ANK1: variants seen among roughly 807,000 people sequenced by gnomAD.
ANK1 encodes the protein ankyrin-1.
Under a neutral mutation model 210.4 loss-of-function variants are expected in ANK1, and 51 were observed. The ratio of observed to expected loss-of-function variants is 0.24; its 90% CI spans 0.19 to 0.31. The LOEUF (loss-of-function observed/expected upper bound fraction) is 0.31. Among genes scored for constraint, ANK1 ranks in the 10% least tolerant of loss-of-function variants. ANK1 has a pLI of 1.00. For missense variants in ANK1, 2,051 were observed against 2,504.4 expected (o/e 0.82, Z 3.86); for synonymous variants, 967 against 1,025.9 (o/e 0.94, Z 1.10).
chr8:41,885,392 C>A (rs1306001547), intron 1 of ANK1, among the ~76,000 whole-genome samples: 1 of 152,180 alleles, frequency 6.6e-6, no homozygotes, highest in Admixed American at 6.5e-5. Context: ...GGCAAGAAGA[C>A]AATATTTTTT....
At position 41,713,019 on chromosome 8, in the gene ANK1, G is replaced by A. The variant is rs962745861; in HGVS notation, c.1800+1137C>T. On this transcript the variant is annotated intron_variant, in intron 16 of 42. Coordinates refer to ENST00000289734, the MANE Select transcript of ANK1 (RefSeq NM_000037.4). The stretch of plus-strand genomic sequence containing the variant: ...GAGCCGGCGTCTGTAGAAGAGCGAT[G>A]CTGCAAGATGGGGACACGTGTCTGT... 2.0e-5 allele frequency among the ~76,000 whole-genome samples: 3 copies of A among 152,300 alleles called. No homozygotes were observed. In the East Asian group the frequency reaches 5.8e-4, roughly 29 times the overall value.
intron 1 of ANK1, among the ~76,000 whole-genome samples, chr8:41,814,681 C>G (rs1803040919): frequency 6.6e-6 from 1 of 151,492 alleles, no homozygotes; most frequent in South Asian, 2.1e-4. Context: ...ACCTGACAAG[C>G]TATTTATTTA....
rs182616804 is a variant in ANK1 at position 41,836,726 on chromosome 8, A to C, written c.126+59629T>G. Among the ~76,000 whole-genome samples the C allele has an allele frequency of 3.4e-3, 513 of 152,272 alleles. 2 individuals are homozygous for C. Among genetic ancestry groups the C allele is most frequent in the African/African-American group, 0.012 (489 of 41,544 alleles). On this transcript the variant is annotated intron_variant, in intron 1 of 42. Coordinates refer to the ANK1 transcript ENST00000265709. The stretch of plus-strand genomic sequence containing the variant: ...CAGGAGTTCAACACCAGCCTGGGCA[A>C]CATAGTGAGACTCCTGTCTCTATAA...
At chr8:41,857,293 G>T (rs1456927265) in intron 1 of ANK1, among the ~76,000 whole-genome samples, 1 of 150,664 alleles carries the variant, frequency 6.6e-6, no homozygotes, top group African/African-American at 2.4e-5. Flanking sequence ...ATTTTAATGG[G>T]CTCTGTCAAA....
At chr8:41,762,952 G>T (rs1840799900) in intron 1 of ANK1, among the ~76,000 whole-genome samples, 1 of 152,192 alleles carries the variant, frequency 6.6e-6, no homozygotes, top group South Asian at 2.1e-4. Context: ...GGGCGTGGTG[G>T]TTCCTGTAAT....
At chr8:41,765,490 T>C (rs905536669) in intron 1 of ANK1, among the ~76,000 whole-genome samples, 1 of 152,080 alleles carries the variant, frequency 6.6e-6, no homozygotes. Flanking sequence ...CAAGCAATCT[T>C]CCCACCTCCA....
chr8:41,744,254 G>A (rs1394783551), intron 2 of ANK1, among the ~76,000 whole-genome samples: 1 of 152,082 alleles, frequency 6.6e-6, no homozygotes, highest in African/African-American at 2.4e-5. Context: ...AAAAGAAAAA[G>A]CTTATCCTTT....
chr8:41,765,884 G>T (rs1841672989), intron 1 of ANK1, among the ~76,000 whole-genome samples: 1 of 152,156 alleles, frequency 6.6e-6, no homozygotes, highest in South Asian at 2.1e-4. Flanking sequence ...ATGAGCAGGG[G>T]ACATTGGGAA....
chr8:41,732,553 C>T (rs1038961040), intron 3 of ANK1, among the ~76,000 whole-genome samples: 3 of 152,020 alleles, frequency 2.0e-5, no homozygotes, highest in African/African-American at 7.2e-5. Flanking sequence ...GCTGGGATTA[C>T]AGGCCTGTGC....
intron 3 of ANK1, among the ~76,000 whole-genome samples, chr8:41,730,943 T>A (rs187646448): frequency 6.6e-6 from 1 of 152,304 alleles, no homozygotes; most frequent in East Asian, 1.9e-4. Context: ...CTGCCTGAAG[T>A]CCAATGATAT....
intron 2 of ANK1, among the ~76,000 whole-genome samples, chr8:41,735,272 G>A (rs952235032): frequency 3.9e-5 from 6 of 152,190 alleles, no homozygotes; most frequent in Non-Finnish European, 7.3e-5. Context: ...ATATGAAGGA[G>A]CAAAATATCA....
chr8:41,676,317 T>C (rs183858791), intron 37 of ANK1, among the ~76,000 whole-genome samples: 134 of 152,354 alleles, frequency 8.8e-4, no homozygotes, highest in African/African-American at 3.1e-3. Flanking sequence ...ATAGTTTTAA[T>C]TTGTATTTCC....
intron 9 of ANK1, among the ~76,000 whole-genome samples, chr8:41,720,880 G>A (rs775221995): frequency 2.0e-5 from 3 of 152,252 alleles, no homozygotes; most frequent in Middle Eastern, 3.4e-3. Flanking sequence ...TCGACAGTCC[G>A]GGGTGAGGTG....
intron 1 of ANK1, chr8:41,828,044 T>G (rs1334653830): frequency 6.6e-6 from 1 of 151,794 alleles, no homozygotes; most frequent in East Asian, 1.9e-4. Flanking sequence ...ACTCTCCTAT[T>G]AAAACAGACT....
At position 41,688,546 on chromosome 8, in the gene ANK1, G is replaced by A. The variant is rs766729615; in HGVS notation, c.4148C>T (p.Ala1383Val). The change falls in exon 34 of 43, where the codon GCC becomes GTC. Residue 1383 changes from alanine (A) to valine (V), a missense_variant. Transcript: ENST00000289734. ...EDRRRTPTPL[A>V]LRYSILSEST... Reference sequence around the variant, plus strand: ...CTCACTGAGAATGCTGTATCGCAGGGCCAGGGGCGTCGGGGTCCTTCTCCT... The same window carrying A: ...CTCACTGAGAATGCTGTATCGCAGGACCAGGGGCGTCGGGGTCCTTCTCCT... The A allele has an allele frequency of 6.2e-7, 1 of 1,614,186 alleles. No homozygotes were observed. The highest frequency in any genetic ancestry group is 8.5e-7 in the Non-Finnish European group (1 of 1,180,034).
upstream of ANK1, among the ~76,000 whole-genome samples, chr8:41,798,717 A>G (rs1164120645): frequency 1.3e-5 from 2 of 152,020 alleles, no homozygotes; most frequent in Non-Finnish European, 2.9e-5. Context: ...GGGTGGTGCC[A>G]TTAAGGTGGG....
At chr8:41,883,332 T>C (rs1455230647) in intron 1 of ANK1, among the ~76,000 whole-genome samples, 1 of 152,218 alleles carries the variant, frequency 6.6e-6, no homozygotes, top group Admixed American at 6.5e-5. Context: ...CAGATTTCCC[T>C]TCAAGCTACC....
At position 41,849,491 on chromosome 8, in the gene ANK1, T is replaced by C. The variant is rs1002620182; in HGVS notation, c.126+46864A>G. Among the ~76,000 whole-genome samples the C allele has an allele frequency of 9.9e-5, 15 of 150,956 alleles. No individual in the cohort carries two copies. The East Asian group carries it at 2.5e-3, about 26-fold the overall frequency. ...GTGAGCTGAGATCACACCATTGTAC[T>C]CCAGCCTGGGAGAGAGAGCGAGACA... On this transcript the variant is annotated intron_variant, in intron 1 of 42. Coordinates refer to the ANK1 transcript ENST00000265709.
intron 1 of ANK1, among the ~76,000 whole-genome samples, chr8:41,890,138 CATT>C (rs1587644466): frequency 6.6e-6 from 1 of 152,190 alleles, no homozygotes; most frequent in African/African-American, 2.4e-5. Context: ...AGCTATACTC[CATT>C]AAATATATGG....
Sources: allele counts gnomAD v4.1 joint callset (sites outside exome capture counted in the v4.1 genomes callset), GRCh38; gene constraint gnomAD v4.1.1; transcripts MANE v1.5; gene names NCBI Gene and HGNC (gene_info 2026-07-23, HGNC 2026-07-21).